The following CRPPA variants were observed in gnomAD, a reference collection of about 807,000 sequenced individuals.
CRPPA encodes D-ribitol-5-phosphate cytidylyltransferase.
In CRPPA, 43 loss-of-function variants were observed where a neutral mutation model predicts 52.0. That is an observed-to-expected ratio of 0.83 (90% CI 0.65 to 1.07). The LOEUF (loss-of-function observed/expected upper bound fraction) is 1.07. CRPPA is among the 50% of genes least tolerant of loss of function. The pLI, the probability that CRPPA is intolerant of heterozygous loss-of-function variation, is 0.00. For missense variants in CRPPA, 629 were observed against 551.7 expected, an observed-to-expected ratio of 1.14 and a Z score of -1.40; for synonymous variants, 250 against 203.5, an observed-to-expected ratio of 1.23 and a Z score of -1.94.
intron 9 of CRPPA, among the ~76,000 whole-genome samples, chr7:16,095,094 C>T (rs1781910750): frequency 6.6e-6 from 1 of 152,102 alleles, no homozygotes; most frequent in Admixed American, 6.5e-5. Context: ...CTGCGGCATC[C>T]TCTGAATTTG....
intron 9 of CRPPA, among the ~76,000 whole-genome samples, chr7:16,122,340 GAA>G (rs984397940): frequency 6.6e-6 from 1 of 151,874 alleles, no homozygotes; most frequent in Non-Finnish European, 1.5e-5. Context: ...TTACAAGAAA[GAA>G]AGAGTCCATC....
rs141113848 is a variant in CRPPA, at chr7:16,304,402, T to C, written c.790-2936A>G. On this transcript the variant is annotated intron_variant, in intron 4 of 9. Coordinates refer to ENST00000407010, the MANE Select transcript of CRPPA (RefSeq NM_001101426.4). Reference sequence around the variant, plus strand: ...GACATCAAGCCAGAATGTTTACCTTTTACTTTTACCAAAACGTATTTATAA... The same window carrying C: ...GACATCAAGCCAGAATGTTTACCTTCTACTTTTACCAAAACGTATTTATAA... Among the ~76,000 whole-genome samples the C allele has an allele frequency of 3.5e-4, 54 of 152,246 alleles. No homozygotes were observed. The East Asian group carries it at 7.0e-3, about 20-fold the overall frequency.
chr7:16,225,798 G>A (rs1197230468), intron 8 of CRPPA, among the ~76,000 whole-genome samples: 2 of 151,710 alleles, frequency 1.3e-5, no homozygotes, highest in East Asian at 3.9e-4. Context: ...CTGCATTTAG[G>A]CCAACTACTA....
At chr7:16,303,063 C>T (rs1784823771) in intron 4 of CRPPA, among the ~76,000 whole-genome samples, 1 of 152,018 alleles carries the variant, frequency 6.6e-6, no homozygotes, top group Non-Finnish European at 1.5e-5. Flanking sequence ...AGTACGTTAG[C>T]TATGTAGGAA....
intron 5 of CRPPA, among the ~76,000 whole-genome samples, chr7:16,294,546 T>C (rs1784632192): frequency 6.6e-6 from 1 of 151,958 alleles, no homozygotes; most frequent in Admixed American, 6.6e-5. Flanking sequence ...CTTTTACTAA[T>C]TCAAGTTTGA....
rs750737445 is a variant in CRPPA at position 16,212,918 on chromosome 7, T to C, written c.1251+3148A>G. Among the ~76,000 whole-genome samples the C allele has an allele frequency of 5.3e-5, 8 of 152,340 alleles. No homozygotes were observed. The South Asian group carries it at 6.2e-4, about 12-fold the overall frequency. On this transcript the variant is annotated intron_variant, in intron 9 of 9. Coordinates refer to ENST00000407010, the MANE Select transcript of CRPPA (RefSeq NM_001101426.4). The stretch of plus-strand genomic sequence containing the variant: ...ACTTTTAAACTTTGAACCTATGTGC[T>C]TCTATTGCTAAATCCCTAAGCATAT...
intron 8 of CRPPA, among the ~76,000 whole-genome samples, chr7:16,226,736 G>A (rs1159497013): frequency 6.6e-6 from 1 of 151,808 alleles, no homozygotes; most frequent in Non-Finnish European, 1.5e-5. Context: ...GTGATGTTCT[G>A]AAGCATACAT....
chr7:16,138,392 G>A (rs914430618), intron 9 of CRPPA, among the ~76,000 whole-genome samples: 1 of 152,146 alleles, frequency 6.6e-6, no homozygotes, highest in South Asian at 2.1e-4. Context: ...CCTGTGAAAT[G>A]TAGAAAATTT....
chr7:16,381,620 G>C (rs1175695624), intron 2 of CRPPA, among the ~76,000 whole-genome samples: 1 of 151,664 alleles, frequency 6.6e-6, no homozygotes, highest in Non-Finnish European at 1.5e-5. Context: ...TATTGTGTGG[G>C]AGTCTAAGTC....
chr7:16,212,122 C>G (rs1363547446), intron 9 of CRPPA, among the ~76,000 whole-genome samples: 1 of 151,944 alleles, frequency 6.6e-6, no homozygotes, highest in African/African-American at 2.4e-5. Flanking sequence ...TCTCCTAGAT[C>G]TGCAGTCGTA....
At chr7:16,375,933 C>T (rs925058059) in intron 3 of CRPPA, among the ~76,000 whole-genome samples, 159 bp downstream of exon 3, 1 of 152,196 alleles carries the variant, frequency 6.6e-6, no homozygotes, top group African/African-American at 2.4e-5. Flanking sequence ...TCTCTCTCTT[C>T]TGATCCAGCT....
intron 9 of CRPPA, among the ~76,000 whole-genome samples, chr7:16,096,815 T>C (rs1168522789): frequency 6.6e-6 from 1 of 152,136 alleles, no homozygotes; most frequent in Non-Finnish European, 1.5e-5. Context: ...GGGAAAACAG[T>C]ATACTCTTCA....
chr7:16,264,320 G>C (rs946859959), intron 6 of CRPPA, among the ~76,000 whole-genome samples: 21 of 152,140 alleles, frequency 1.4e-4, no homozygotes, highest in African/African-American at 3.1e-4. Context: ...TTGGTTCAAA[G>C]GACATTTAAA....
chr7:16,407,549 G>C (rs1000691646), intron 1 of CRPPA, among the ~76,000 whole-genome samples: 7 of 152,280 alleles, frequency 4.6e-5, no homozygotes, highest in Middle Eastern at 3.4e-3. Context: ...TAAGTCTTTA[G>C]AATATTTTTA....
chr7:16,157,273 T>C (rs1783202374), intron 9 of CRPPA, among the ~76,000 whole-genome samples: 1 of 151,402 alleles, frequency 6.6e-6, no homozygotes, highest in East Asian at 2.0e-4. Context: ...GTGAGGAAGA[T>C]AAGCAACTGG....
At chr7:16,320,989 T>G (rs1785253580) in intron 3 of CRPPA, among the ~76,000 whole-genome samples, 1 of 152,086 alleles carries the variant, frequency 6.6e-6, no homozygotes, top group African/African-American at 2.4e-5. Context: ...TAAAATTATT[T>G]AAATGGGCAG....
chr7:16,251,143 A>G (rs1339222064), intron 8 of CRPPA, among the ~76,000 whole-genome samples: 3 of 152,176 alleles, frequency 2.0e-5, no homozygotes, highest in East Asian at 3.8e-4. Flanking sequence ...GGCATTACCT[A>G]TGGTAAAGGG....
chr7:16,364,762 C>T (rs1450233983), intron 3 of CRPPA, among the ~76,000 whole-genome samples: 2 of 152,104 alleles, frequency 1.3e-5, no homozygotes, highest in African/African-American at 4.8e-5. Flanking sequence ...TTAAAATCTG[C>T]CCATCAAGCA....
At chr7:16,146,832 C>T (rs1022922294) in intron 9 of CRPPA, among the ~76,000 whole-genome samples, 9 of 152,062 alleles carry the variant, frequency 5.9e-5, no homozygotes, top group African/African-American at 2.2e-4. Context: ...CAAAGGAAGA[C>T]AAGTCAGGGA....
Sources: allele counts gnomAD v4.1 joint callset (sites outside exome capture counted in the v4.1 genomes callset), GRCh38; gene constraint gnomAD v4.1.1; transcripts MANE v1.5; gene names NCBI Gene and HGNC (gene_info 2026-07-23, HGNC 2026-07-21).